RBFOX2: variants seen among roughly 807,000 people sequenced by gnomAD.
The protein encoded by RBFOX2 is RNA binding protein fox-1 homolog 2.
In RBFOX2, 10 loss-of-function variants were observed where a neutral mutation model predicts 49.1. That is an observed-to-expected ratio of 0.20 (90% CI 0.13 to 0.35). RBFOX2 has a LOEUF of 0.35. Among genes scored for constraint, RBFOX2 ranks in the 10% least tolerant of loss-of-function variants. The pLI, the probability that RBFOX2 is intolerant of heterozygous loss-of-function variation, is 1.00. For synonymous variants in RBFOX2, 183 were observed against 187.4 expected, an observed-to-expected ratio of 0.98 and a Z score of 0.19; for missense variants, 323 against 486.9, an observed-to-expected ratio of 0.66 and a Z score of 3.17.
chr22:35,916,877 TTA>T (rs2050481802), intron 1 of RBFOX2, among the ~76,000 whole-genome samples: 1 of 148,968 alleles, frequency 6.7e-6, no homozygotes, highest in Admixed American at 6.7e-5. Flanking sequence ...TCTGAAAAAT[TTA>T]AAAAAAAAAA....
chr22:36,028,223 C>G lies in RBFOX2; in HGVS notation c.186+17G>C, dbSNP rs1305495679. 1.0e-5 allele frequency: 15 copies of G among 1,490,746 alleles called. No individual in the cohort carries two copies. Among genetic ancestry groups the G allele is most frequent in the South Asian group, 1.3e-5 (1 of 77,852 alleles). 92.3% of individuals were successfully genotyped at this position (1,490,746 alleles called of 1,614,324 possible). A position where few individuals can be genotyped will look rare whatever the true frequency, so the allele number is the denominator to read the frequency against. The stretch of plus-strand genomic sequence containing the variant: ...CCCACCCCCGCAATAACTGGGCGCC[C>G]CGTCCCGCGCGGTCACCTGCATCCC... On this transcript the variant is annotated intron_variant, in intron 1 of 13. Coordinates refer to the RBFOX2 transcript ENST00000438146.
At chr22:35,888,382 C>T (rs1293688364) in intron 1 of RBFOX2, among the ~76,000 whole-genome samples, 1 of 152,208 alleles carries the variant, frequency 6.6e-6, no homozygotes, top group African/African-American at 2.4e-5. Context: ...TGTGTGAGAA[C>T]ATCAAGGTTC....
rs535536209 is a variant in RBFOX2 at position 35,749,752 on chromosome 22, C to T, written c.888-3191G>A. On this transcript the variant is annotated intron_variant, in intron 9 of 11. Coordinates refer to ENST00000405409, the Ensembl canonical transcript of RBFOX2. The surrounding 1 kb of genome is among the most constrained non-coding windows in gnomAD (Gnocchi z 4.1). The stretch of plus-strand genomic sequence containing the variant: ...GTGCAGTTTGAAACACCAAGGTTTT[C>T]ATTACTGTTTCTTAAGTTTTTCAAA... Among the ~76,000 whole-genome samples the T allele has an allele frequency of 6.6e-6, 1 of 152,192 alleles. No homozygotes were observed. Among genetic ancestry groups the T allele is most frequent in the African/African-American group, 2.4e-5 (1 of 41,514 alleles).
intron 9 of RBFOX2, among the ~76,000 whole-genome samples, chr22:35,754,998 C>G (rs980953798): frequency 6.6e-6 from 1 of 152,170 alleles, no homozygotes; most frequent in African/African-American, 2.4e-5. Context: ...ATCTCTACTT[C>G]CTGCAAAACG....
exon 1 of RBFOX2, chr22:35,840,477 CT>C (rs1958546568): frequency 4.3e-6 from 6 of 1,401,074 alleles, no homozygotes; most frequent in Non-Finnish European, 5.5e-6. Context: ...AGCCCCACCC[CT>C]GAATGCCTAA....
At chr22:35,809,911 C>G (rs1391105422) in exon 2 of RBFOX2, 2 of 1,614,054 alleles carry the variant, frequency 1.2e-6, no homozygotes, top group East Asian at 4.5e-5. Flanking sequence ...ACCCCATACT[C>G]TGTGGGAATT....
intron 5 of RBFOX2, among the ~76,000 whole-genome samples, chr22:35,767,009 C>T (rs993244061): frequency 5.3e-5 from 8 of 152,040 alleles, no homozygotes; most frequent in African/African-American, 1.2e-4. Context: ...GAGCTACAAA[C>T]GGGGGTTTGG....
At chr22:35,827,117 A>G (rs1263370847) in intron 1 of RBFOX2, among the ~76,000 whole-genome samples, 1 of 152,230 alleles carries the variant, frequency 6.6e-6, no homozygotes, top group African/African-American at 2.4e-5. Context: ...TGCCATTGAA[A>G]TCTGTAGATA....
chr22:35,824,154 T>C (rs975253133), intron 1 of RBFOX2, among the ~76,000 whole-genome samples: 19 of 150,984 alleles, frequency 1.3e-4, no homozygotes, highest in Admixed American at 7.2e-4. Flanking sequence ...CGAGACTCCA[T>C]CTCAAAAAAA....
At chr22:35,824,986 G>A (rs1432245476) in intron 1 of RBFOX2, among the ~76,000 whole-genome samples, 2 of 152,126 alleles carry the variant, frequency 1.3e-5, no homozygotes, top group South Asian at 2.1e-4. Context: ...TTGGGAGGCC[G>A]AGGCGGGTGG....
chr22:35,873,863 T>A (rs1201088283), intron 1 of RBFOX2, among the ~76,000 whole-genome samples: 1 of 152,110 alleles, frequency 6.6e-6, no homozygotes, highest in Non-Finnish European at 1.5e-5. Context: ...TTATTTTTAG[T>A]AGAAGCAAGG....
intron 1 of RBFOX2, among the ~76,000 whole-genome samples, chr22:36,012,456 C>G (rs906213271): frequency 6.6e-6 from 1 of 152,092 alleles, no homozygotes; most frequent in Admixed American, 6.6e-5. Flanking sequence ...AAACATAACA[C>G]GGAAGCTGGG....
At chr22:35,971,840 T>C (rs1288437114) in intron 1 of RBFOX2, among the ~76,000 whole-genome samples, 1 of 148,792 alleles carries the variant, frequency 6.7e-6, no homozygotes, top group African/African-American at 2.5e-5. Flanking sequence ...AAAACCTTTG[T>C]ACTGTAGCAG....
At chr22:35,943,798 G>A (rs1489568542), upstream of RBFOX2, among the ~76,000 whole-genome samples, 11 of 152,116 alleles carry the variant, frequency 7.2e-5, no homozygotes, top group Non-Finnish European at 7.4e-5. Context: ...CCAGCTACTC[G>A]GGAGGCTGAG....
intron 1 of RBFOX2, among the ~76,000 whole-genome samples, chr22:36,015,022 A>G (rs1018483852): frequency 3.9e-5 from 6 of 152,246 alleles, no homozygotes; most frequent in Non-Finnish European, 5.9e-5. Context: ...ACTTTTAACA[A>G]AGCAGAGGGA....
At chr22:35,940,695 C>T (rs148071507), upstream of RBFOX2, among the ~76,000 whole-genome samples, 21 of 152,040 alleles carry the variant, frequency 1.4e-4, no homozygotes, top group Middle Eastern at 3.4e-3. Context: ...CCAAAATGTC[C>T]GTCGATTGAT....
intron 2 of RBFOX2, among the ~76,000 whole-genome samples, chr22:35,790,420 G>A (rs979666345): frequency 6.6e-6 from 1 of 152,102 alleles, no homozygotes; most frequent in South Asian, 2.1e-4. Flanking sequence ...CTGTTCTTTA[G>A]AGCCTAGAAG....
chr22:35,837,316 T>C (rs1222678802), intron 1 of RBFOX2, among the ~76,000 whole-genome samples: 1 of 152,196 alleles, frequency 6.6e-6, no homozygotes, highest in Non-Finnish European at 1.5e-5. Context: ...CATCTGAAGA[T>C]GCAAAGAACC....
chr22:35,866,840 C>T (rs1346987200), intron 1 of RBFOX2, among the ~76,000 whole-genome samples: 1 of 152,178 alleles, frequency 6.6e-6, no homozygotes, highest in Non-Finnish European at 1.5e-5. Context: ...CCAGGAAAGG[C>T]CAAGTGAGGA....
Sources: gnomAD v4.1 joint callset for allele counts (sites outside exome capture counted in the v4.1 genomes callset) on GRCh38, gnomAD v4.1.1 for gene constraint, Gnocchi (gnomAD v3.1) non-coding constraint, MANE v1.5 for transcripts, NCBI Gene and HGNC (gene_info 2026-07-23, HGNC 2026-07-21) for gene names.